Variants in FBXL18 observed in about 807,000 individuals in gnomAD.
FBXL18 encodes the protein F-box/LRR-repeat protein 18.
A neutral mutation model predicts 46.0 loss-of-function variants in FBXL18; 36 were observed. The ratio of observed to expected loss-of-function variants is 0.78; its 90% confidence interval spans 0.60 to 1.03. The LOEUF (loss-of-function observed/expected upper bound fraction) is 1.03, where lower values mean the gene tolerates loss of function less well. Ranked by LOEUF, FBXL18 falls within the 50% of genes least tolerant of loss-of-function variation. The probability of loss-of-function intolerance (pLI) is 0.00; values close to 1 mark genes in which losing one functional copy is unlikely to be tolerated. For synonymous variants in FBXL18, 557 were observed against 465.3 expected (o/e 1.20, Z -2.54); for missense variants, 977 against 1,004.1 (o/e 0.97, Z 0.36).
At position 5,480,150 on chromosome 7, in the gene FBXL18, T is replaced by C. The variant is rs985828292; in HGVS notation, c.*1625A>G. Among the ~76,000 whole-genome samples, 7 of 152,160 alleles carry C rather than the reference T, an allele frequency of 4.6e-5. No individual in the cohort carries two copies. Among genetic ancestry groups the C allele is most frequent in the Non-Finnish European group, 1.0e-4 (7 of 68,030 alleles). ...GCCTGGGGATGGTGTACCCCATTTT[T>C]TAACAGCAAAGCAAATGTGAGACAC... On this transcript the variant is annotated 3_prime_UTR_variant, in exon 5 of 5. Transcript: ENST00000382368.
chr7:5,490,311 G>A (rs969367764), intron 4 of FBXL18: 27 of 1,154,728 alleles, frequency 2.3e-5, no homozygotes, highest in East Asian at 1.8e-4. Context: ...CAGTCAGCCC[G>A]TCCTCCTGAG....
chr7:5,478,623 ACCCTTT>A lies in FBXL18; in HGVS notation c.*3146_*3151del. 1 of 152,108 alleles carries A rather than the reference ACCCTTT, an allele frequency of 6.6e-6. No homozygotes were observed. Among genetic ancestry groups the A allele is most frequent in the Non-Finnish European group, 1.5e-5 (1 of 68,056 alleles). 9.4% of individuals were successfully genotyped at this position (152,108 alleles called of 1,614,324 possible). A position where few individuals can be genotyped will look rare whatever the true frequency, so the allele number is the denominator to read the frequency against. ...CCTTTTAAAGAACAAAGGGATACAT[ACCCTTT>A]CCCCTCCTCCCTCCCTCCAACCCCA... is the stretch of plus-strand genomic sequence containing the variant. On this transcript the variant is annotated 3_prime_UTR_variant, in exon 5 of 5. Coordinates refer to ENST00000382368, the MANE Select transcript of FBXL18 (RefSeq NM_024963.6).
chr7:5,486,995 T>G (rs1783793596), intron 4 of FBXL18, among the ~76,000 whole-genome samples: 1 of 152,264 alleles, frequency 6.6e-6, no homozygotes, highest in South Asian at 2.1e-4. Context: ...CTGCTCCTCC[T>G]CCTCCTTCCG....
intron 1 of FBXL18, among the ~76,000 whole-genome samples, chr7:5,508,278 G>T (rs1784442919): frequency 1.4e-5 from 2 of 142,046 alleles, no homozygotes; most frequent in African/African-American, 5.2e-5. Flanking sequence ...AAAAAAAAAA[G>T]AAAGAAAAAA....
At chr7:5,510,543 A>G (rs938269643) in intron 1 of FBXL18, among the ~76,000 whole-genome samples, 4 of 151,806 alleles carry the variant, frequency 2.6e-5, no homozygotes, top group African/African-American at 4.8e-5. Flanking sequence ...TTAGCCAGGC[A>G]TGGTGGCACG....
intron 1 of FBXL18, among the ~76,000 whole-genome samples, chr7:5,512,007 G>A (rs1784547221): frequency 6.6e-6 from 1 of 151,502 alleles, no homozygotes; most frequent in African/African-American, 2.4e-5. Context: ...AGGCCGAAGA[G>A]GGTGGATCAC....
intron 4 of FBXL18, among the ~76,000 whole-genome samples, chr7:5,462,390 C>T (rs561309747): frequency 2.0e-5 from 3 of 152,308 alleles, no homozygotes; most frequent in Non-Finnish European, 4.4e-5. Context: ...CCCACTGGTA[C>T]GTTGGGAGAT....
At chr7:5,460,209 G>A (rs1783224836) in intron 4 of FBXL18, among the ~76,000 whole-genome samples, 1 of 152,088 alleles carries the variant, frequency 6.6e-6, no homozygotes, top group Non-Finnish European at 1.5e-5. Context: ...AGCCAAGATC[G>A]CACTTCAGCC....
At chr7:5,469,896 G>A (rs4724691) in intron 4 of FBXL18, among the ~76,000 whole-genome samples, 72,609 of 151,552 alleles carry the variant, frequency 0.48, 17,539 homozygotes, top group East Asian at 0.69. Flanking sequence ...GTGTGCGAGG[G>A]CATGTGTGTG....
At chr7:5,467,180 T>C (rs928297604) in intron 4 of FBXL18, among the ~76,000 whole-genome samples, 2 of 151,976 alleles carry the variant, frequency 1.3e-5, no homozygotes, top group African/African-American at 4.8e-5. Flanking sequence ...TGAAACCCCG[T>C]CTCTACTAAA....
Position 5,500,751 on chromosome 7 carries a change from G to A in FBXL18, c.1518C>T (p.Ile506=). 6.2e-7 allele frequency: 1 copy of A among 1,612,624 alleles called. No individual in the cohort carries two copies. The highest frequency in any genetic ancestry group is 8.5e-7 in the Non-Finnish European group (1 of 1,179,744). Residue 506 remains isoleucine, a synonymous_variant, in exon 3 of 5, where the codon ATC becomes ATT. Coordinates refer to ENST00000382368, the MANE Select transcript of FBXL18 (RefSeq NM_024963.6). The part of the protein sequence containing the change: ...SSAMPRNEPA[I]RNSLPPCSRA... ...GGCTGCAGGGTGGGAGCGAGTTGCG[G>A]ATGGCGGGCTCGTTGCGGGGCATGG...
In FBXL18 at chr7:5,476,806, G is replaced by A. The variant is rs904792441; in HGVS notation, c.*4969C>T. 6.6e-6 allele frequency: 1 copy of A among 151,880 alleles called. No individual in the cohort carries two copies. Among genetic ancestry groups the A allele is most frequent in the Non-Finnish European group, 1.5e-5 (1 of 68,050 alleles). 9.4% of individuals were successfully genotyped at this position (151,880 alleles called of 1,614,324 possible). On this transcript the variant is annotated 3_prime_UTR_variant, in exon 5 of 5. Transcript: ENST00000382368. ...CTCAAAGGAGCTTTAGAGAGCAGAG[G>A]AGCCCGAGTCACTGCCACCACTGGG...
chr7:5,508,499 C>G (rs1350177488), intron 1 of FBXL18, among the ~76,000 whole-genome samples: 2 of 150,788 alleles, frequency 1.3e-5, no homozygotes, highest in Non-Finnish European at 2.9e-5. Context: ...GTCCCAGCTA[C>G]TCAAGAGGCT....
downstream of FBXL18, among the ~76,000 whole-genome samples, chr7:5,471,249 G>A (rs1783422418): frequency 6.6e-6 from 1 of 152,174 alleles, no homozygotes; most frequent in African/African-American, 2.4e-5. Context: ...CCCTCCTCCA[G>A]CCACGACTCC....
At chr7:5,472,416 C>T (rs568619993), downstream of FBXL18, among the ~76,000 whole-genome samples, 1 of 152,316 alleles carries the variant, frequency 6.6e-6, no homozygotes, top group Admixed American at 6.5e-5. Context: ...CAGCCAAAGC[C>T]AGGGCCCGTC....
chr7:5,461,431 T>G (rs1195960247), intron 4 of FBXL18, among the ~76,000 whole-genome samples: 2 of 152,064 alleles, frequency 1.3e-5, no homozygotes, highest in African/African-American at 4.8e-5. Flanking sequence ...TTAAAAGTAA[T>G]GGCAAGAACC....
chr7:5,501,920 G>C lies in FBXL18; in HGVS notation c.349C>G (p.Arg117Gly). Residue 117 changes from arginine to glycine, a missense_variant, in exon 3 of 5, where the codon CGC (arginine) becomes GGC (glycine). Physicochemically the swap from Arg to Gly is moderately radical, Grantham distance 125 (BLOSUM62 -2). Coordinates refer to ENST00000382368, the MANE Select transcript of FBXL18 (RefSeq NM_024963.6). ...LPGSTVEHVA[R>G]CRSLVKVNLS... is the part of the protein sequence containing the mutation. ...TTCACCTTCACCAGGCTGCGGCAGC[G>C]GGCCACGTGTTCCACGGTGGAGCCA... 6.2e-7 allele frequency: 1 copy of C among 1,603,088 alleles called. No individual in the cohort carries two copies. Among genetic ancestry groups the C allele is most frequent in the Non-Finnish European group, 8.5e-7 (1 of 1,176,148 alleles).
intron 4 of FBXL18, among the ~76,000 whole-genome samples, chr7:5,458,100 T>C (rs1409358495): frequency 6.6e-6 from 1 of 151,838 alleles, no homozygotes; most frequent in Admixed American, 6.6e-5. Context: ...CCCCAAAACC[T>C]TAAACCACAA....
rs567492638 is a variant in FBXL18, at chr7:5,505,799, A to G, written c.19-169T>C. On this transcript the variant is annotated intron_variant, in intron 1 of 4. Transcript: ENST00000382368. ...AATTCACGAAATCCTTCAAAACTCCATTATAGAGCTGTAAGCCAGGGTCTC... is the reference window on the plus strand; with the variant it reads ...AATTCACGAAATCCTTCAAAACTCCGTTATAGAGCTGTAAGCCAGGGTCTC... Among the ~76,000 whole-genome samples the G allele has an allele frequency of 2.0e-5, 3 of 152,330 alleles. No individual in the cohort carries two copies. In the East Asian group the frequency reaches 5.8e-4, roughly 29 times the overall value.
Sources: gnomAD v4.1 joint callset for allele counts (sites outside exome capture counted in the v4.1 genomes callset) on GRCh38, gnomAD v4.1.1 for gene constraint, MANE v1.5 for transcripts, NCBI Gene and HGNC (gene_info 2026-07-23, HGNC 2026-07-21) for gene names.